Variants in PHLDB1 observed in about 807,000 individuals in gnomAD.
The protein encoded by PHLDB1 is pleckstrin homology-like domain family B member 1.
Under a neutral mutation model 139.3 loss-of-function variants are expected in PHLDB1, and 65 were observed. The observed-to-expected ratio is 0.47, with a 90% CI of 0.38 to 0.57. PHLDB1 has a LOEUF of 0.57. Ranked by LOEUF, PHLDB1 falls within the 20% of genes least tolerant of loss-of-function variation. The probability of loss-of-function intolerance (pLI) is 0.00; values close to 1 mark genes in which losing one functional copy is unlikely to be tolerated. For missense variants in PHLDB1, 1,624 were observed against 1,839.7 expected (o/e 0.88, Z 2.14); for synonymous variants, 679 against 734.5 (o/e 0.92, Z 1.22).
chr11:118,628,050 T>G lies in PHLDB1; in HGVS notation c.1227T>G (p.Pro409=). 1 of 1,613,970 alleles carries G rather than the reference T, an allele frequency of 6.2e-7. No individual in the cohort carries two copies. Among genetic ancestry groups the G allele is most frequent in the East Asian group, 2.2e-5 (1 of 44,868 alleles). The part of the protein sequence containing the change: ...QDRPPSPFRE[P]PGSERVLTTS... ...GCCCTCCCAGCCCTTTCCGTGAGCC[T>G]CCAGGCAGTGAGCGGGTGCTAACAA... The change falls in exon 6 of 23, where the codon CCT becomes CCG. Residue 409 remains proline (P), a synonymous_variant. Transcript: ENST00000600882.
At chr11:118,655,574 G>A (rs782218668) in intron 20 of PHLDB1, 31 bp from the exon 21 acceptor site, 2 of 1,432,558 alleles carry the variant, frequency 1.4e-6, no homozygotes, top group South Asian at 1.1e-5. Flanking sequence ...AGTGTGACCG[G>A]CTCCATAGCC....
At chr11:118,625,730 G>T (rs2136087223) in intron 5 of PHLDB1, among the ~76,000 whole-genome samples, 1 of 152,312 alleles carries the variant, frequency 6.6e-6, no homozygotes, top group African/African-American at 2.4e-5. Flanking sequence ...TACACCTAGT[G>T]GGGTGGTATC....
intron 4 of PHLDB1, 98 bp from the exon 5 acceptor site, chr11:118,624,836 C>A: frequency 7.7e-7 from 1 of 1,292,300 alleles, no homozygotes; most frequent in Non-Finnish European, 1.1e-6. Flanking sequence ...TCTCCAACTC[C>A]CGACCTCAGG....
chr11:118,648,032 C>A lies in PHLDB1; in HGVS notation c.3610C>A (p.Leu1204Met), dbSNP rs1158268347. The change falls in exon 18 of 23, where the codon CTG (leucine) becomes ATG (methionine). Residue 1204 changes from leucine (L) to methionine (M), a missense_variant. Leu to Met is a conservative substitution (Grantham distance 15). Transcript: ENST00000600882. The stretch of plus-strand genomic sequence containing the variant: ...GAGTGAGAGTGCCCGGAGGCAGCAG[C>A]TGGTCGAGAAGGAGGTCAAGATGCG... ...LQSESARRQQ[L>M]VEKEVKMREK... is the part of the protein sequence containing the mutation. 2 of 1,613,166 alleles carry A rather than the reference C, an allele frequency of 1.2e-6. No individual in the cohort carries two copies. Among genetic ancestry groups the A allele is most frequent in the African/African-American group, 2.7e-5 (2 of 74,888 alleles).
In PHLDB1 at chr11:118,632,209, ACT is replaced by A; in HGVS notation, c.2293_2294del (p.Leu765AlafsTer36). 6.2e-7 allele frequency: 1 copy of A among 1,614,116 alleles called. No homozygotes were observed. Reference protein sequence around the residue: ...LQGEREAERALLQKEQKAVDQ... With the variant: ...LQGEREAERAXLQKEQKAVDQ... ...AGGGAGAGAGGGAGGCAGAGCGGGC[ACT>A]GCTGCAGAAGGAGCAGAAGGCAGTG... On this transcript the variant is annotated frameshift_variant, in exon 9 of 23. Transcript: ENST00000600882. LOFTEE classifies it high-confidence loss of function. The surrounding 1 kb of genome is among the most constrained non-coding windows in gnomAD (Gnocchi z 5.9).
Position 118,648,069 on chromosome 11 carries a change from T to C in PHLDB1, c.3647T>C (p.Phe1216Ser). ...GAGGTCAAGATGCGGGAGAAACAATTTTCCCAGGTGAATGGGCAGTGGGGC... is the reference window on the plus strand; with the variant it reads ...GAGGTCAAGATGCGGGAGAAACAATCTTCCCAGGTGAATGGGCAGTGGGGC... ...EKEVKMREKQ[F>S]SQARPLTRYL... Residue 1216 changes from phenylalanine to serine, a missense_variant, in exon 18 of 23, where the codon TTT becomes TCT. Phe to Ser is a radical substitution (Grantham distance 155). Transcript: ENST00000600882. 4 of 1,613,326 alleles carry C rather than the reference T, an allele frequency of 2.5e-6. No individual in the cohort carries two copies. The highest frequency in any genetic ancestry group is 3.4e-6 in the Non-Finnish European group (4 of 1,179,606).
chr11:118,644,900 T>G (rs934040658), intron 15 of PHLDB1: 1 of 268,666 alleles, frequency 3.7e-6, no homozygotes, highest in Non-Finnish European at 7.4e-6. Flanking sequence ...CTTTCTTGCG[T>G]TTGTTGCTTT....
intron 10 of PHLDB1, chr11:118,637,950 CAG>C (rs1945919559): frequency 6.6e-6 from 1 of 152,156 alleles, no homozygotes; most frequent in Non-Finnish European, 1.5e-5. Flanking sequence ...GTGGTGGTAA[CAG>C]ATATATTCAC....
intron 20 of PHLDB1, chr11:118,654,095 C>G (rs929266858): frequency 6.6e-6 from 1 of 152,206 alleles, no homozygotes; most frequent in African/African-American, 2.4e-5. Flanking sequence ...AGGAGGAGCA[C>G]TCGGGAAGGA....
At chr11:118,621,980 G>C (rs1942903421) in intron 4 of PHLDB1, among the ~76,000 whole-genome samples, 1 of 152,212 alleles carries the variant, frequency 6.6e-6, no homozygotes, top group African/African-American at 2.4e-5. Context: ...CTCTGAGAGT[G>C]TGTGAGCATG....
Position 118,610,503 on chromosome 11 carries a change from C to G in PHLDB1, c.-22+2804C>G. Reference sequence around the variant, plus strand: ...AGCCATGCACCGCTTGGGCCGAGGCCGAGGCCGACCCCCAGGGACACAGGT... The same window carrying G: ...AGCCATGCACCGCTTGGGCCGAGGCGGAGGCCGACCCCCAGGGACACAGGT... On this transcript the variant is annotated intron_variant, in intron 1 of 22. Coordinates refer to ENST00000600882, the MANE Select transcript of PHLDB1 (RefSeq NM_001144758.3). This position sits in a 1 kb window ranked among gnomAD's most constrained non-coding sequence, Gnocchi z 8.7. 1.1e-6 allele frequency: 1 copy of G among 947,452 alleles called. No homozygotes were observed. The highest frequency in any genetic ancestry group is 1.3e-6 in the Non-Finnish European group (1 of 795,272). 58.7% of individuals were successfully genotyped at this position (947,452 alleles called of 1,614,324 possible).
chr11:118,635,649 G>A, intron 10 of PHLDB1, 101 bp downstream of exon 10: 1 of 1,060,698 alleles, frequency 9.4e-7, no homozygotes, highest in Non-Finnish European at 1.3e-6. Context: ...TTTGTGCCTG[G>A]ATTTCCTTGT....
intron 6 of PHLDB1, chr11:118,630,031 T>G (rs1944525453): frequency 1.4e-6 from 1 of 737,240 alleles, no homozygotes; most frequent in Non-Finnish European, 1.8e-6. Context: ...TGTTCCGGTT[T>G]TTTTTTTTTT....
In PHLDB1 at chr11:118,645,294, C is replaced by G; in HGVS notation, c.3122-62C>G. 7.6e-7 allele frequency: 1 copy of G among 1,311,914 alleles called. No individual in the cohort carries two copies. Among genetic ancestry groups the G allele is most frequent in the Non-Finnish European group, 1.0e-6 (1 of 963,008 alleles). 81.3% of individuals were successfully genotyped at this position (1,311,914 alleles called of 1,614,324 possible). A position where few individuals can be genotyped will look rare whatever the true frequency, so the allele number is the denominator to read the frequency against. On this transcript the variant is annotated intron_variant, in intron 15 of 22. Transcript: ENST00000600882. This position sits in a 1 kb window ranked among gnomAD's most constrained non-coding sequence, Gnocchi z 5.1. ...CCCCTCCCTCTGTGTGTTGTGCTGCCAGTGGCCTGCTCCTTAGCTGCGTGG... is the reference window on the plus strand; with the variant it reads ...CCCCTCCCTCTGTGTGTTGTGCTGCGAGTGGCCTGCTCCTTAGCTGCGTGG...
intron 20 of PHLDB1, chr11:118,652,052 C>G (rs1445088650): frequency 9.9e-5 from 15 of 152,228 alleles, no homozygotes; most frequent in Admixed American, 7.9e-4. Flanking sequence ...GGCTGTCTGC[C>G]AGTCACACAG....
intron 12 of PHLDB1, chr11:118,639,492 G>A (rs1232115171): frequency 8.8e-6 from 4 of 456,652 alleles, no homozygotes; most frequent in African/African-American, 6.0e-5. Flanking sequence ...TTTGGTGGCT[G>A]AATATATGTG....
Position 118,611,663 on chromosome 11 carries a change from C to T in PHLDB1, c.-21-2153C>T, listed in dbSNP as rs1470736409. The stretch of plus-strand genomic sequence containing the variant: ...CTGAGGTCGGGAGTTCGAGACCAGC[C>T]TGACCAACATGGAGAAACCCCGTCT... On this transcript the variant is annotated intron_variant, in intron 1 of 22. Coordinates refer to ENST00000600882, the MANE Select transcript of PHLDB1 (RefSeq NM_001144758.3). The surrounding 1 kb of genome is among the most constrained non-coding windows in gnomAD (Gnocchi z 4.7). 6.6e-6 allele frequency among the ~76,000 whole-genome samples: 1 copy of T among 152,058 alleles called. No individual in the cohort carries two copies. Among genetic ancestry groups the T allele is most frequent in the Non-Finnish European group, 1.5e-5 (1 of 68,002 alleles).
In PHLDB1 at chr11:118,638,967, G is replaced by A. The variant is rs782422124; in HGVS notation, c.2612G>A (p.Arg871Gln). ...GTGCAGGAATCAGAACGCCTGGCCC[G>A]GGACAAGAATGCCTCCTTACAGCTG... ...QAVQESERLA[R>Q]DKNASLQLLQ... Residue 871 changes from arginine (R) to glutamine (Q), a missense_variant, in exon 11 of 23, where the codon CGG becomes CAG. Arg to Gln is a conservative substitution (Grantham distance 43). Coordinates refer to ENST00000600882, the MANE Select transcript of PHLDB1 (RefSeq NM_001144758.3). 8.0e-5 allele frequency: 129 copies of A among 1,613,582 alleles called. No homozygotes were observed. The highest frequency in any genetic ancestry group is 1.0e-4 in the Non-Finnish European group (121 of 1,179,834).
Position 118,650,499 on chromosome 11 carries a change from CGCT to C in PHLDB1, c.3828_3830del (p.Trp1277del). ...CGGCAAGATTAAATCATGGAAGAAG[CGCT>C]GGTTTGTCTTCGACCGGCTCAAGCG... On this transcript the variant is annotated inframe_deletion, in exon 20 of 23. Transcript: ENST00000600882. This position sits in a 1 kb window ranked among gnomAD's most constrained non-coding sequence, Gnocchi z 4.7. 6.2e-7 allele frequency: 1 copy of C among 1,614,116 alleles called. No homozygotes were observed.
Sources: gnomAD v4.1 joint callset for allele counts (sites outside exome capture counted in the v4.1 genomes callset) on GRCh38, gnomAD v4.1.1 for gene constraint, Gnocchi (gnomAD v3.1) non-coding constraint, MANE v1.5 for transcripts, NCBI Gene and HGNC (gene_info 2026-07-23, HGNC 2026-07-21) for gene names.